MAP3K15: variants seen among roughly 807,000 people sequenced by gnomAD.
MAP3K15 encodes the protein mitogen-activated protein kinase kinase kinase 15.
Under a neutral mutation model 99.5 loss-of-function variants are expected in MAP3K15, and 124 were observed. The ratio of observed to expected loss-of-function variants is 1.25; its 90% CI spans 1.08 to 1.45. MAP3K15 has a LOEUF of 1.45. Among genes scored for constraint, MAP3K15 ranks in the 40% most tolerant of loss-of-function variants. The probability of loss-of-function intolerance (pLI) is 0.00; values close to 1 mark genes in which losing one functional copy is unlikely to be tolerated. For synonymous variants in MAP3K15, 494 were observed against 439.6 expected (o/e 1.12, Z -1.55); for missense variants, 1,242 against 1,079.7 (o/e 1.15, Z -2.11).
At chrX:19,411,758 G>T (rs929289555) in intron 11 of MAP3K15, among the ~76,000 whole-genome samples, 1 of 111,530 alleles carries the variant, frequency 9.0e-6, no homozygotes, top group African/African-American at 3.3e-5. Flanking sequence ...CCCTGAGGAG[G>T]GGTGTGCCTG....
chrX:19,371,229 C>A, intron 23 of MAP3K15, 116 bp downstream of exon 23: 1 of 872,967 alleles, frequency 1.1e-6, no homozygotes, highest in South Asian at 2.6e-5. Context: ...TTAGGAGGAG[C>A]TGCTGAAGCT....
chrX:19,464,299 G>T lies in MAP3K15; in HGVS notation c.633C>A (p.Pro211=), dbSNP rs780403214. The T allele has an allele frequency of 5.0e-6, 6 of 1,199,781 alleles. No individual in the cohort carries two copies. The highest frequency in any genetic ancestry group is 6.7e-6 in the Non-Finnish European group (6 of 894,811). Residue 211 remains proline, a synonymous_variant, in exon 4 of 29, where the codon CCC becomes CCA. Transcript: ENST00000338883. ...AQRRASEYMQ[P]NWDNILGPLC... ...GCGGGCCCAGGATGTTGTCCCAGTT[G>T]GGCTGCATGTACTCGGAGGCTCGTC...
At chrX:19,446,194 C>T (rs2063996991) in intron 6 of MAP3K15, among the ~76,000 whole-genome samples, 1 of 111,825 alleles carries the variant, frequency 8.9e-6, no homozygotes, top group African/African-American at 3.2e-5. Context: ...TGAGAAAGCA[C>T]ACAGAGTAGG....
intron 1 of MAP3K15, among the ~76,000 whole-genome samples, chrX:19,503,263 C>T (rs1285774469): frequency 8.9e-6 from 1 of 111,732 alleles, no homozygotes; most frequent in Non-Finnish European, 1.9e-5. Flanking sequence ...ATAAATGTGG[C>T]CAGTCTCCTG....
chrX:19,442,938 G>C (rs1309294570), intron 6 of MAP3K15, among the ~76,000 whole-genome samples: 4 of 102,016 alleles, frequency 3.9e-5, no homozygotes, highest in Non-Finnish European at 7.9e-5. Flanking sequence ...TGGCCAGGCT[G>C]GTCTCAAACT....
chrX:19,431,366 G>T lies in MAP3K15; in HGVS notation c.1166+72C>A. Reference sequence around the variant, plus strand: ...ACAGACATATACATAAGGAAGAGATGCACATCCTTAGCCTATGCGATTCTG... The same window carrying T: ...ACAGACATATACATAAGGAAGAGATTCACATCCTTAGCCTATGCGATTCTG... On this transcript the variant is annotated intron_variant, in intron 7 of 28. Coordinates refer to ENST00000338883, the MANE Select transcript of MAP3K15 (RefSeq NM_001001671.4). 3 of 971,271 alleles carry T rather than the reference G, an allele frequency of 3.1e-6. No individual in the cohort carries two copies. In the Admixed American group the frequency reaches 7.4e-5, roughly 24 times the overall value. 80.0% of individuals were successfully genotyped at this position (971,271 alleles called of 1,213,427 possible).
At chrX:19,488,231 T>C (rs190298531) in intron 2 of MAP3K15, among the ~76,000 whole-genome samples, 3 of 112,232 alleles carry the variant, frequency 2.7e-5, no homozygotes, top group African/African-American at 9.7e-5. Flanking sequence ...AAAAATACTA[T>C]GTTACCCAAA....
At chrX:19,377,694 C>G (rs2063429286) in intron 19 of MAP3K15, among the ~76,000 whole-genome samples, 1 of 112,188 alleles carries the variant, frequency 8.9e-6, no homozygotes, top group Non-Finnish European at 1.9e-5. Context: ...CAAAAAGCAG[C>G]CAGCCATGGC....
chrX:19,373,272 G>A (rs937038878), intron 21 of MAP3K15: 28 of 323,876 alleles, frequency 8.6e-5, no homozygotes, highest in South Asian at 6.0e-4. Context: ...GGGAAGTGTC[G>A]AAGGAGAGGG....
At chrX:19,456,347 C>T (rs1188368943) in intron 6 of MAP3K15, among the ~76,000 whole-genome samples, 2 of 111,400 alleles carry the variant, frequency 1.8e-5, no homozygotes, top group South Asian at 3.8e-4. Flanking sequence ...AGATGAATCT[C>T]GCGAACACGA....
At chrX:19,445,145 T>C (rs902808041) in intron 6 of MAP3K15, among the ~76,000 whole-genome samples, 1 of 111,343 alleles carries the variant, frequency 9.0e-6, no homozygotes, top group Non-Finnish European at 1.9e-5. Context: ...CTTTCTTCTT[T>C]TCCCTATCTC....
intron 6 of MAP3K15, among the ~76,000 whole-genome samples, chrX:19,452,345 G>GAAGAGAAAGAGA (rs1555958957): frequency 1.1e-4 from 1 of 9,389 alleles, no homozygotes; most frequent in Admixed American, 1.4e-3. Context: ...GAAGAGAAGA[G>GAAGAGAAAGAGA]AAGAGAAAGA....
intron 7 of MAP3K15, among the ~76,000 whole-genome samples, chrX:19,430,408 C>T (rs1386553066): frequency 1.8e-5 from 2 of 111,770 alleles, no homozygotes; most frequent in East Asian, 5.6e-4. Flanking sequence ...CCTGACCCTA[C>T]AGCTGACTTC....
At chrX:19,369,481 T>C (rs1467370872) in intron 24 of MAP3K15, among the ~76,000 whole-genome samples, 2 of 111,783 alleles carry the variant, frequency 1.8e-5, no homozygotes, top group Non-Finnish European at 3.8e-5. Flanking sequence ...GTTCAAAAGG[T>C]ACAACCAGGC....
In MAP3K15 at chrX:19,395,212, T is replaced by C; in HGVS notation, c.2067-4A>G. Reference sequence around the variant, plus strand: ...CTCGTGCAGAGGCTGAGAATACCTATTGGGAAAAACAGAGCCAGGGTCACC... The same window carrying C: ...CTCGTGCAGAGGCTGAGAATACCTACTGGGAAAAACAGAGCCAGGGTCACC... On this transcript the variant is annotated splice_polypyrimidine_tract_variant and splice_region_variant and intron_variant, in intron 15 of 28. Coordinates refer to ENST00000338883, the MANE Select transcript of MAP3K15 (RefSeq NM_001001671.4). 2 of 1,204,087 alleles carry C rather than the reference T, an allele frequency of 1.7e-6. No homozygotes were observed. Among genetic ancestry groups the C allele is most frequent in the Non-Finnish European group, 1.1e-6 (1 of 890,750 alleles).
intron 18 of MAP3K15, among the ~76,000 whole-genome samples, chrX:19,383,545 C>T (rs951677194): frequency 1.8e-5 from 2 of 111,985 alleles, no homozygotes; most frequent in African/African-American, 6.5e-5. Context: ...GAAGAGACAA[C>T]CCACAGAATG....
Position 19,392,305 on chromosome X carries a change from G to A in MAP3K15, c.2325+38C>T, listed in dbSNP as rs368190343. ...ATCGACAGCTCTCATGATCTGATACGAGCAAAGGCAACCTCGTCAGCTTAA... is the reference window on the plus strand; with the variant it reads ...ATCGACAGCTCTCATGATCTGATACAAGCAAAGGCAACCTCGTCAGCTTAA... On this transcript the variant is annotated intron_variant, in intron 17 of 28. Transcript: ENST00000338883. 3.9e-5 allele frequency: 46 copies of A among 1,188,852 alleles called. No homozygotes were observed. In the South Asian group the frequency reaches 4.5e-4, roughly 12 times the overall value.
intron 6 of MAP3K15, among the ~76,000 whole-genome samples, chrX:19,440,226 C>T (rs777647889): frequency 1.6e-4 from 18 of 111,983 alleles, no homozygotes; most frequent in African/African-American, 5.5e-4. Flanking sequence ...TTCAGGGCTG[C>T]CTCATCATTT....
intron 26 of MAP3K15, among the ~76,000 whole-genome samples, chrX:19,362,527 G>A (rs2063299466): frequency 9.0e-6 from 1 of 111,149 alleles, no homozygotes; most frequent in African/African-American, 3.3e-5. Flanking sequence ...GAGCTACGGT[G>A]CTGGCTGTGA....
Sources: allele counts gnomAD v4.1 joint callset (sites outside exome capture counted in the v4.1 genomes callset), GRCh38; gene constraint gnomAD v4.1.1; transcripts MANE v1.5; gene names NCBI Gene and HGNC (gene_info 2026-07-23, HGNC 2026-07-21).